Variants in RPS6KA1 observed in about 807,000 individuals in gnomAD.
RPS6KA1 encodes the protein ribosomal protein S6 kinase A1, also known as ribosomal protein S6 kinase alpha-1.
Under a neutral mutation model 91.3 loss-of-function variants are expected in RPS6KA1, and 48 were observed. That is an observed-to-expected ratio of 0.53 (90% CI 0.42 to 0.67). The LOEUF (loss-of-function observed/expected upper bound fraction) is 0.67, where lower values mean the gene tolerates loss of function less well. RPS6KA1 is among the 30% of genes least tolerant of loss of function. The pLI, the probability that RPS6KA1 is intolerant of heterozygous loss-of-function variation, is 0.00. For synonymous variants in RPS6KA1, 359 were observed against 384.7 expected, an observed-to-expected ratio of 0.93 and a Z score of 0.78; for missense variants, 719 against 960.5, an observed-to-expected ratio of 0.75 and a Z score of 3.32.
rs1479046702 is a variant in RPS6KA1 at position 26,561,711 on chromosome 1, C to A, written c.1590+48C>A. The A allele has an allele frequency of 1.3e-6, 2 of 1,534,644 alleles. No individual in the cohort carries two copies. Among genetic ancestry groups the A allele is most frequent in the Admixed American group, 3.8e-5 (2 of 52,002 alleles). On this transcript the variant is annotated intron_variant, in intron 17 of 21. Transcript: ENST00000374168. The surrounding 1 kb of genome is among the most constrained non-coding windows in gnomAD (Gnocchi z 5.7). ...AGTAGGGGGATGCCAAGGGTCATAT[C>A]ATCAGCAGAGAACATGAACCACCTG...
chr1:26,555,413 T>C lies in RPS6KA1; in HGVS notation c.828-124T>C, dbSNP rs2076091304. ...CCTGTGGGTAGGATCCCTGAAGCCT[T>C]TGGGAAGTGAATTAGTGGATGGCTT... On this transcript the variant is annotated intron_variant, in intron 10 of 21. Coordinates refer to ENST00000374168, the MANE Select transcript of RPS6KA1 (RefSeq NM_002953.4). The surrounding 1 kb of genome is among the most constrained non-coding windows in gnomAD (Gnocchi z 4.3). 9.1e-7 allele frequency: 1 copy of C among 1,092,962 alleles called. No homozygotes were observed. The highest frequency in any genetic ancestry group is 1.3e-6 in the Non-Finnish European group (1 of 741,884). 67.7% of individuals were successfully genotyped at this position (1,092,962 alleles called of 1,614,324 possible). A position where few individuals can be genotyped will look rare whatever the true frequency, so the allele number is the denominator to read the frequency against.
intron 14 of RPS6KA1, 55 bp from the exon 15 acceptor site, chr1:26,560,671 A>T: frequency 6.2e-7 from 1 of 1,610,274 alleles, no homozygotes; most frequent in Non-Finnish European, 8.5e-7. Flanking sequence ...GTCCTGGGGG[A>T]TGACCCCTAG....
intron 14 of RPS6KA1, among the ~76,000 whole-genome samples, chr1:26,559,706 C>G (rs1198128969): frequency 6.6e-6 from 1 of 152,098 alleles, no homozygotes; most frequent in African/African-American, 2.4e-5. Flanking sequence ...TACTCCCTTC[C>G]TCGTGCCTCA....
At chr1:26,548,801 GA>G (rs751538265) in intron 4 of RPS6KA1, among the ~76,000 whole-genome samples, 115 of 125,988 alleles carry the variant, frequency 9.1e-4, no homozygotes, top group Non-Finnish European at 8.1e-4. Context: ...CTCCATCTCA[GA>G]AAAAAAAAAA....
chr1:26,545,238 C>T (rs371166880), intron 2 of RPS6KA1, among the ~76,000 whole-genome samples: 8 of 150,388 alleles, frequency 5.3e-5, no homozygotes, highest in Admixed American at 1.3e-4. Context: ...GGCGCTATCT[C>T]GGCTCACTGC....
At chr1:26,566,921 G>T (rs1356674202) in intron 17 of RPS6KA1, among the ~76,000 whole-genome samples, 1 of 152,110 alleles carries the variant, frequency 6.6e-6, no homozygotes, top group Non-Finnish European at 1.5e-5. Context: ...ATCCTCTCAC[G>T]CTGCTCCTGA....
At position 26,561,389 on chromosome 1, in the gene RPS6KA1, G is replaced by A; in HGVS notation, c.1432-116G>A. Reference sequence around the variant, plus strand: ...TTGGGGAAGGCAGGACCACTGAAGAGCAAGCAGAACACCTGCCCAAGGCTC... The same window carrying A: ...TTGGGGAAGGCAGGACCACTGAAGAACAAGCAGAACACCTGCCCAAGGCTC... On this transcript the variant is annotated intron_variant, in intron 16 of 21. Coordinates refer to ENST00000374168, the MANE Select transcript of RPS6KA1 (RefSeq NM_002953.4). The surrounding 1 kb of genome is among the most constrained non-coding windows in gnomAD (Gnocchi z 5.7). The A allele has an allele frequency of 7.4e-7, 1 of 1,350,504 alleles. No individual in the cohort carries two copies. The highest frequency in any genetic ancestry group is 1.0e-6 in the Non-Finnish European group (1 of 960,290). The allele number at this position is 1,350,504 out of a possible 1,614,324, so 83.7% of individuals were successfully genotyped here.
In RPS6KA1 at chr1:26,571,814, C is replaced by G. The variant is rs1304380474; in HGVS notation, c.1753-35C>G. Reference sequence around the variant, plus strand: ...CATCTGTGGCGACTTTCTACTGCCCCCCCAGACTGACCACCTCCCCTGCCC... The same window carrying G: ...CATCTGTGGCGACTTTCTACTGCCCGCCCAGACTGACCACCTCCCCTGCCC... On this transcript the variant is annotated intron_variant, in intron 18 of 21. Transcript: ENST00000374168. The surrounding 1 kb of genome is among the most constrained non-coding windows in gnomAD (Gnocchi z 5.1). 2 of 1,596,822 alleles carry G rather than the reference C, an allele frequency of 1.3e-6. No individual in the cohort carries two copies. The highest frequency in any genetic ancestry group is 1.3e-5 in the African/African-American group (1 of 74,810).
intron 2 of RPS6KA1, among the ~76,000 whole-genome samples, chr1:26,545,263 A>C (rs1325710019): frequency 6.8e-6 from 1 of 146,954 alleles, no homozygotes; most frequent in Non-Finnish European, 1.5e-5. Context: ...TCCGCCTTCC[A>C]GGTTCATGCC....
intron 4 of RPS6KA1, among the ~76,000 whole-genome samples, chr1:26,549,146 C>T (rs1254199387): frequency 6.6e-6 from 1 of 150,386 alleles, no homozygotes; most frequent in East Asian, 1.9e-4. Flanking sequence ...GGCTTTGGGA[C>T]TATGAGGCTG....
intron 7 of RPS6KA1, 121 bp downstream of exon 7, chr1:26,553,618 G>A (rs1487770172): frequency 3.5e-6 from 2 of 566,232 alleles, no homozygotes; most frequent in Non-Finnish European, 6.4e-6. Context: ...TGGGCAATCT[G>A]AGGGATGGGT....
At chr1:26,531,163 T>C (rs1198804318) in intron 1 of RPS6KA1, 1 of 157,722 alleles carries the variant, frequency 6.3e-6, no homozygotes, top group Non-Finnish European at 1.4e-5. Context: ...ACACTGGCTA[T>C]TGGAGGGTGG....
chr1:26,574,511 A>T lies in RPS6KA1; in HGVS notation c.*310A>T. 1 of 514,064 alleles carries T rather than the reference A, an allele frequency of 1.9e-6. No homozygotes were observed. The highest frequency in any genetic ancestry group is 1.5e-5 in the South Asian group (1 of 65,146). 31.8% of individuals were successfully genotyped at this position (514,064 alleles called of 1,614,324 possible). A position where few individuals can be genotyped will look rare whatever the true frequency, so the allele number is the denominator to read the frequency against. ...TGCCTTTCTGGGAGCAGAAACAGCCATTGCGGCCCCAGGAGGGGAACTGAG... is the reference window on the plus strand; with the variant it reads ...TGCCTTTCTGGGAGCAGAAACAGCCTTTGCGGCCCCAGGAGGGGAACTGAG... On this transcript the variant is annotated 3_prime_UTR_variant, in exon 22 of 22. Transcript: ENST00000374168. This position sits in a 1 kb window ranked among gnomAD's most constrained non-coding sequence, Gnocchi z 4.3.
chr1:26,539,069 GT>G (rs2075927301), intron 2 of RPS6KA1, among the ~76,000 whole-genome samples: 1 of 152,250 alleles, frequency 6.6e-6, no homozygotes, highest in Non-Finnish European at 1.5e-5. Flanking sequence ...GGAAAGCCAT[GT>G]GGTAGGCGCT....
At chr1:26,567,618 A>G (rs1283743443) in intron 17 of RPS6KA1, among the ~76,000 whole-genome samples, 2 of 151,994 alleles carry the variant, frequency 1.3e-5, no homozygotes, top group East Asian at 3.9e-4. Flanking sequence ...CAACCTTGTG[A>G]TCTGCCCGCC....
At chr1:26,565,717 A>ATGCCTGG (rs2076195044) in intron 17 of RPS6KA1, among the ~76,000 whole-genome samples, 3 of 148,040 alleles carry the variant, frequency 2.0e-5, no homozygotes, top group African/African-American at 8.0e-5. Flanking sequence ...ACCTGCCACC[A>ATGCCTGG]CATCCAGCTA....
chr1:26,548,386 C>T (rs766207457), intron 4 of RPS6KA1, among the ~76,000 whole-genome samples: 2 of 152,028 alleles, frequency 1.3e-5, no homozygotes, highest in African/African-American at 2.4e-5. Flanking sequence ...CAAGGGGACA[C>T]CTAAGGAGCG....
Position 26,571,825 on chromosome 1 carries a change from C to A in RPS6KA1, c.1753-24C>A. ...ACTTTCTACTGCCCCCCCAGACTGA[C>A]CACCTCCCCTGCCCTGTTGCCAGGT... On this transcript the variant is annotated intron_variant, in intron 18 of 21. Coordinates refer to ENST00000374168, the MANE Select transcript of RPS6KA1 (RefSeq NM_002953.4). This position sits in a 1 kb window ranked among gnomAD's most constrained non-coding sequence, Gnocchi z 5.1. 1.2e-6 allele frequency: 2 copies of A among 1,603,598 alleles called. No homozygotes were observed. The highest frequency in any genetic ancestry group is 1.7e-6 in the Non-Finnish European group (2 of 1,177,758).
At position 26,558,515 on chromosome 1, in the gene RPS6KA1, G is replaced by C. The variant is rs576265864; in HGVS notation, c.1085-292G>C. ...CAGAGATGGACCTGAAGGGGCTGAC[G>C]TAAGATGGGGAAGCTGGGGAGGAAG... On this transcript the variant is annotated intron_variant, in intron 13 of 21. Coordinates refer to ENST00000374168, the MANE Select transcript of RPS6KA1 (RefSeq NM_002953.4). This position sits in a 1 kb window ranked among gnomAD's most constrained non-coding sequence, Gnocchi z 4.0. Among the ~76,000 whole-genome samples the C allele has an allele frequency of 6.6e-6, 1 of 152,224 alleles. No individual in the cohort carries two copies. Among genetic ancestry groups the C allele is most frequent in the Non-Finnish European group, 1.5e-5 (1 of 68,036 alleles).
Sources: allele counts gnomAD v4.1 joint callset (sites outside exome capture counted in the v4.1 genomes callset), GRCh38; gene constraint gnomAD v4.1.1; non-coding constraint Gnocchi (gnomAD v3.1); transcripts MANE v1.5; gene names NCBI Gene and HGNC (gene_info 2026-07-23, HGNC 2026-07-21).